The following FECH variants were observed in gnomAD, a reference collection of about 807,000 sequenced individuals.
The protein encoded by FECH is ferrochelatase, mitochondrial.
FECH carries 40 observed loss-of-function variants against 56.9 expected under a neutral mutation model. The observed-to-expected ratio is 0.70, with a 90% CI of 0.55 to 0.92. FECH has a LOEUF of 0.92. Among genes scored for constraint, FECH ranks in the 40% least tolerant of loss-of-function variants. The pLI, the probability that FECH is intolerant of heterozygous loss-of-function variation, is 0.00. For synonymous variants in FECH, 175 were observed against 198.6 expected (o/e 0.88, Z 1.00); for missense variants, 431 against 529.1 (o/e 0.81, Z 1.82).
chr18:57,579,313 G>GTGTGTATATATA (rs531089366), intron 2 of FECH, among the ~76,000 whole-genome samples: 1 of 143,768 alleles, frequency 7.0e-6, no homozygotes, highest in African/African-American at 2.6e-5. Context: ...GTGTGTGTGT[G>GTGTGTATATATA]TATATATTCA....
intron 1 of FECH, among the ~76,000 whole-genome samples, chr18:57,583,002 C>A (rs1033935003): frequency 2.0e-5 from 3 of 152,002 alleles, no homozygotes; most frequent in African/African-American, 7.2e-5. Context: ...GAGCTAGTAG[C>A]TTTTCAAGCT....
chr18:57,566,305 C>G, intron 5 of FECH, 142 bp downstream of exon 5: 1 of 1,147,390 alleles, frequency 8.7e-7, no homozygotes, highest in Non-Finnish European at 1.3e-6. Flanking sequence ...ATGGACTGAC[C>G]TGAACTCTCG....
chr18:57,573,329 T>C lies in FECH; in HGVS notation c.231A>G (p.Gly77=), dbSNP rs975497183. Residue 77 remains glycine (G), a synonymous_variant, in exon 3 of 11, where the codon GGA becomes GGG. Coordinates refer to ENST00000262093, the MANE Select transcript of FECH (RefSeq NM_000140.5). ...PKTGILMLNM[G]GPETLGDVHD... ...GAACATCTCCAAGAGTTTCAGGGCC[T>C]CCCATGTTTAGCATTAATATTCCAG... The C allele has an allele frequency of 1.2e-6, 2 of 1,613,988 alleles. No individual in the cohort carries two copies. The highest frequency in any genetic ancestry group is 1.3e-5 in the African/African-American group (1 of 74,932).
chr18:57,582,757 CAA>C (rs572019088), intron 1 of FECH, among the ~76,000 whole-genome samples: 58 of 122,052 alleles, frequency 4.8e-4, no homozygotes, highest in Admixed American at 1.1e-3. Context: ...ACTAAAAATA[CAA>C]AAAAAAAAAA....
intron 7 of FECH, 59 bp from the exon 8 acceptor site, chr18:57,555,011 C>T (rs1256069590): frequency 1.6e-5 from 22 of 1,335,562 alleles, no homozygotes; most frequent in Non-Finnish European, 1.1e-6. Flanking sequence ...CCGAGAGCCT[C>T]TGACTATGTG....
rs1309799532 is a variant in FECH at position 57,549,979 on chromosome 18, C to T, written c.*733G>A. On this transcript the variant is annotated 3_prime_UTR_variant, in exon 11 of 11. Coordinates refer to ENST00000262093, the MANE Select transcript of FECH (RefSeq NM_000140.5). ...CCTGGAGACCAGAAGCAGTGGGAGCCCCTTCCCTGTGGCACCACGGACTCC... is the reference window on the plus strand; with the variant it reads ...CCTGGAGACCAGAAGCAGTGGGAGCTCCTTCCCTGTGGCACCACGGACTCC... 1.3e-5 allele frequency: 2 copies of T among 152,186 alleles called. No homozygotes were observed. Among genetic ancestry groups the T allele is most frequent in the African/African-American group, 4.8e-5 (2 of 41,412 alleles). The allele number at this position is 152,186 out of a possible 1,614,324, so 9.4% of individuals were successfully genotyped here.
Position 57,559,133 on chromosome 18 carries a change from G to C in FECH, c.804+12C>G. 1 of 1,560,974 alleles carries C rather than the reference G, an allele frequency of 6.4e-7. No individual in the cohort carries two copies. Among genetic ancestry groups the C allele is most frequent in the Non-Finnish European group, 8.8e-7 (1 of 1,132,326 alleles). On this transcript the variant is annotated intron_variant, in intron 7 of 10. Coordinates refer to ENST00000262093, the MANE Select transcript of FECH (RefSeq NM_000140.5). ...CTATCACTAGGTCATCCCAGAAAAT[G>C]TTCTTACTTACAGACATGGGCAGTG...
At chr18:57,555,659 C>A (rs1312942825) in intron 7 of FECH, among the ~76,000 whole-genome samples, 2 of 152,172 alleles carry the variant, frequency 1.3e-5, no homozygotes, top group Admixed American at 6.5e-5. Context: ...TCTTCTATAA[C>A]ATATATTGCC....
intron 7 of FECH, among the ~76,000 whole-genome samples, chr18:57,555,376 CT>C (rs1426193835): frequency 6.6e-6 from 1 of 152,184 alleles, no homozygotes; most frequent in Non-Finnish European, 1.5e-5. Context: ...ATGTACAGAA[CT>C]GCTGGATTTA....
intron 2 of FECH, among the ~76,000 whole-genome samples, chr18:57,575,015 G>A (rs1306800374): frequency 6.6e-6 from 1 of 152,134 alleles, no homozygotes; most frequent in African/African-American, 2.4e-5. Flanking sequence ...CTGGCAACCA[G>A]TAATCTACTT....
In FECH at chr18:57,573,256, G is replaced by C. The variant is rs775675347; in HGVS notation, c.304C>G (p.Pro102Ala). ...TTATATATATCTCACTTCTGAATAG[G>C]AAGTGTCATGAGGTCTCGGTCCAAG... ...LFLDRDLMTL[P>A]IQNKLAPFIA... Residue 102 changes from proline (P) to alanine (A), a missense_variant, in exon 3 of 11, where the codon CCT becomes GCT. By Grantham distance (27) the Pro-to-Ala change is conservative. Transcript: ENST00000262093. 7 of 1,613,262 alleles carry C rather than the reference G, an allele frequency of 4.3e-6. No individual in the cohort carries two copies. Among genetic ancestry groups the C allele is most frequent in the Non-Finnish European group, 5.9e-6 (7 of 1,179,300 alleles).
chr18:57,579,282 T>TA (rs2051235851), intron 2 of FECH, among the ~76,000 whole-genome samples: 1 of 115,774 alleles, frequency 8.6e-6, no homozygotes, highest in South Asian at 2.3e-4. Flanking sequence ...TATGTGTGTG[T>TA]GTATATATGT....
At position 57,573,957 on chromosome 18, in the gene FECH, T is replaced by C. The variant is rs1315042533; in HGVS notation, c.195-592A>G. 2.0e-5 allele frequency among the ~76,000 whole-genome samples: 3 copies of C among 152,216 alleles called. No homozygotes were observed. The East Asian group carries it at 5.8e-4, about 29-fold the overall frequency. On this transcript the variant is annotated intron_variant, in intron 2 of 10. Transcript: ENST00000262093. ...CCATCCCCACTCTTGCATCTGCTCC[T>C]GTCTCTTTAGTCAATTATTAAATTA... is the stretch of plus-strand genomic sequence containing the variant.
rs2050837173 is a variant in FECH, at chr18:57,554,243, C to G, written c.1077+17G>C. The G allele has an allele frequency of 1.2e-6, 2 of 1,614,132 alleles. No individual in the cohort carries two copies. The highest frequency in any genetic ancestry group is 1.7e-6 in the Non-Finnish European group (2 of 1,179,960). On this transcript the variant is annotated intron_variant, in intron 9 of 10. Transcript: ENST00000262093. ...AAAACAAGTCATGATGGGAAAAAGG[C>G]AGATGGGTGCATTTACCTCCTTGGC...
intron 2 of FECH, among the ~76,000 whole-genome samples, chr18:57,576,578 C>T (rs372560948): frequency 5.3e-5 from 8 of 152,158 alleles, no homozygotes; most frequent in African/African-American, 1.4e-4. Context: ...AAGCCACAGA[C>T]GGTATCAGTG....
intron 7 of FECH, among the ~76,000 whole-genome samples, chr18:57,558,920 C>CAA (rs3216687): frequency 2.0e-5 from 3 of 151,274 alleles, no homozygotes; most frequent in African/African-American, 4.9e-5. Context: ...GACTCTGTTT[C>CAA]AAAAAAAAGA....
chr18:57,567,998 A>G (rs1332208873), intron 4 of FECH: 2 of 152,258 alleles, frequency 1.3e-5, no homozygotes, highest in South Asian at 4.1e-4. Flanking sequence ...ATCACAGGAC[A>G]TGATCCCATA....
chr18:57,557,864 G>A (rs531559622), intron 7 of FECH, among the ~76,000 whole-genome samples: 2 of 152,304 alleles, frequency 1.3e-5, no homozygotes, highest in East Asian at 1.9e-4. Context: ...CATCTCAGGC[G>A]AGGTCTCACC....
In FECH at chr18:57,546,539, T is replaced by C. The variant is rs575511535; in HGVS notation, c.*4173A>G. ...CATCACATTGAGCAAAGGATCTCTTTTACATGCCTTAAGTTATGGTTTCTT... is the reference window on the plus strand; with the variant it reads ...CATCACATTGAGCAAAGGATCTCTTCTACATGCCTTAAGTTATGGTTTCTT... On this transcript the variant is annotated 3_prime_UTR_variant, in exon 11 of 11. Transcript: ENST00000262093. Among the ~76,000 whole-genome samples, 1 of 152,332 alleles carries C rather than the reference T, an allele frequency of 6.6e-6. No homozygotes were observed. The highest frequency in any genetic ancestry group is 1.9e-4 in the East Asian group (1 of 5,186).
Sources: gnomAD v4.1 joint callset for allele counts (sites outside exome capture counted in the v4.1 genomes callset) on GRCh38, gnomAD v4.1.1 for gene constraint, MANE v1.5 for transcripts, NCBI Gene and HGNC (gene_info 2026-07-23, HGNC 2026-07-21) for gene names.